PPFIBP1: variants seen among roughly 807,000 people sequenced by gnomAD.
PPFIBP1 encodes the protein liprin-beta-1.
A neutral mutation model predicts 137.8 loss-of-function variants in PPFIBP1; 112 were observed. The ratio of observed to expected loss-of-function variants is 0.81; its 90% CI spans 0.70 to 0.95. PPFIBP1 has a LOEUF of 0.95. Ranked by LOEUF, PPFIBP1 falls within the 40% of genes least tolerant of loss-of-function variation. PPFIBP1 has a pLI of 0.00. For missense variants in PPFIBP1, 1,083 were observed against 1,196.6 expected (o/e 0.91, Z 1.40); for synonymous variants, 378 against 417.3 (o/e 0.91, Z 1.15).
At chr12:27,596,933 C>G (rs557790069) in intron 2 of PPFIBP1, among the ~76,000 whole-genome samples, 2 of 152,192 alleles carry the variant, frequency 1.3e-5, no homozygotes, top group Non-Finnish European at 1.5e-5. Flanking sequence ...AGCCCATATC[C>G]TAACCTCTAC....
rs1162242132 is a variant in PPFIBP1, at chr12:27,622,008, C to T, written c.-35-11354C>T. ...GTGACTGCAACTGATGTGAATTTGA[C>T]GCAACCAGAAATGGTTTTTGTGTCA... On this transcript the variant is annotated intron_variant, in intron 2 of 29. Transcript: ENST00000228425. Among the ~76,000 whole-genome samples, 32 of 152,308 alleles carry T rather than the reference C, an allele frequency of 2.1e-4. No individual in the cohort carries two copies. The East Asian group carries it at 2.7e-3, about 13-fold the overall frequency.
At chr12:27,585,431 C>T (rs1000809789) in intron 2 of PPFIBP1, among the ~76,000 whole-genome samples, 2 of 152,150 alleles carry the variant, frequency 1.3e-5, no homozygotes, top group African/African-American at 4.8e-5. Flanking sequence ...AAAGTAGAAG[C>T]TAGTTAGGTT....
At chr12:27,644,736 G>A (rs756232004) in intron 4 of PPFIBP1, among the ~76,000 whole-genome samples, 7 of 152,158 alleles carry the variant, frequency 4.6e-5, no homozygotes, top group South Asian at 2.1e-4. Flanking sequence ...GAATTATGCC[G>A]TGGTAATTGT....
Position 27,691,793 on chromosome 12 carries a change from G to A in PPFIBP1, c.2730G>A (p.Lys910=). 1.2e-6 allele frequency: 2 copies of A among 1,612,276 alleles called. No individual in the cohort carries two copies. Among genetic ancestry groups the A allele is most frequent in the South Asian group, 2.2e-5 (2 of 90,274 alleles). ...GCAATTTTGGGAATTTGAGAAAGAA[G>A]AAACAGGAAGATGGTGAAGAATATG... ...AFSNFGNLRK[K]KQEDGEEYVC... Residue 910 remains lysine (K), a synonymous_variant, in exon 28 of 30, where the codon AAG becomes AAA. Coordinates refer to ENST00000228425, the MANE Select transcript of PPFIBP1 (RefSeq NM_003622.4).
chr12:27,637,919 T>C (rs887104500), intron 4 of PPFIBP1, among the ~76,000 whole-genome samples: 3 of 152,202 alleles, frequency 2.0e-5, no homozygotes, highest in Admixed American at 2.0e-4. Flanking sequence ...GATCTTAAAA[T>C]GGGTATATGT....
chr12:27,617,555 C>T lies in PPFIBP1; in HGVS notation c.-35-15807C>T, dbSNP rs149564587. ...TCCTGAGGATCCCAAAAATCCATAG[C>T]GGCTCAAGTTCCTTATATGAAATGA... On this transcript the variant is annotated intron_variant, in intron 2 of 29. Coordinates refer to ENST00000228425, the MANE Select transcript of PPFIBP1 (RefSeq NM_003622.4). Among the ~76,000 whole-genome samples the T allele has an allele frequency of 1.7e-4, 26 of 152,288 alleles. 1 individual carries two copies. The highest frequency in any genetic ancestry group is 5.8e-4 in the African/African-American group (24 of 41,544).
chr12:27,642,731 A>G (rs1231219044), intron 4 of PPFIBP1, among the ~76,000 whole-genome samples: 1 of 152,104 alleles, frequency 6.6e-6, no homozygotes, highest in Non-Finnish European at 1.5e-5. Context: ...GTTGGGTACA[A>G]AACCTTGGGA....
At chr12:27,594,600 T>C (rs2052970117) in intron 2 of PPFIBP1, among the ~76,000 whole-genome samples, 1 of 152,224 alleles carries the variant, frequency 6.6e-6, no homozygotes, top group Non-Finnish European at 1.5e-5. Flanking sequence ...CATTGTGTTA[T>C]AATCCTCTCT....
chr12:27,588,064 G>A lies in PPFIBP1; in HGVS notation c.-36+9825G>A, dbSNP rs114194177. Among the ~76,000 whole-genome samples the A allele has an allele frequency of 7.6e-3, 1,153 of 152,226 alleles. 12 individuals are homozygous for A. Among genetic ancestry groups the A allele is most frequent in the African/African-American group, 0.026 (1,092 of 41,530 alleles). On this transcript the variant is annotated intron_variant, in intron 2 of 29. Coordinates refer to ENST00000228425, the MANE Select transcript of PPFIBP1 (RefSeq NM_003622.4). ...AAAGACAGTTGTGTGGTAAAATATC[G>A]TATAGTCTAGATTCATCTAACTGTT... is the stretch of plus-strand genomic sequence containing the variant.
In PPFIBP1 at chr12:27,617,405, G is replaced by A. The variant is rs1268945367; in HGVS notation, c.-35-15957G>A. Among the ~76,000 whole-genome samples, 14 of 152,222 alleles carry A rather than the reference G, an allele frequency of 9.2e-5. No individual in the cohort carries two copies. The Middle Eastern group carries it at 0.01, about 111-fold the overall frequency. ...TGGAAGCAAATACAGAATTGGAGAC[G>A]GTCAATCAAATGGAAGCTCCTCAGT... On this transcript the variant is annotated intron_variant, in intron 2 of 29. Transcript: ENST00000228425.
intron 1 of PPFIBP1, among the ~76,000 whole-genome samples, chr12:27,530,774 C>T (rs536551670): frequency 6.6e-6 from 1 of 152,360 alleles, no homozygotes; most frequent in South Asian, 2.1e-4. Flanking sequence ...CCCCAAAGCT[C>T]TTAAAAGGGG....
chr12:27,671,109 T>A (rs536724394), intron 13 of PPFIBP1, among the ~76,000 whole-genome samples: 1,578 of 151,794 alleles, frequency 0.01, 10 homozygotes, highest in Non-Finnish European at 0.016. Flanking sequence ...TCAAGACCAT[T>A]CTGGGCAACA....
At chr12:27,612,340 T>TG (rs1334516911) in intron 2 of PPFIBP1, among the ~76,000 whole-genome samples, 2 of 143,494 alleles carry the variant, frequency 1.4e-5, no homozygotes, top group African/African-American at 5.1e-5. Context: ...TTTTTTTTTT[T>TG]TTTTTTTTTT....
chr12:27,604,159 G>GA (rs2054280536), intron 2 of PPFIBP1, among the ~76,000 whole-genome samples: 1 of 152,214 alleles, frequency 6.6e-6, no homozygotes, highest in African/African-American at 2.4e-5. Context: ...CAAGGGTTCA[G>GA]AGGCAGACTG....
intron 2 of PPFIBP1, among the ~76,000 whole-genome samples, chr12:27,581,795 G>A (rs1592615754): frequency 6.6e-6 from 1 of 151,982 alleles, no homozygotes; most frequent in Admixed American, 6.6e-5. Flanking sequence ...CGTGATAACT[G>A]GACAATATAT....
intron 1 of PPFIBP1, among the ~76,000 whole-genome samples, chr12:27,532,059 C>T (rs772408747): frequency 6.6e-6 from 1 of 152,116 alleles, no homozygotes; most frequent in Non-Finnish European, 1.5e-5. Context: ...GTATGTGAAG[C>T]ACTAACAGCT....
chr12:27,658,666 C>A, intron 9 of PPFIBP1, 150 bp from the exon 10 acceptor site: 1 of 743,402 alleles, frequency 1.3e-6, no homozygotes, highest in Non-Finnish European at 2.3e-6. Flanking sequence ...TACTACCAAT[C>A]CTGCAGTCAC....
At chr12:27,606,206 A>G (rs955891181) in intron 2 of PPFIBP1, among the ~76,000 whole-genome samples, 1 of 152,214 alleles carries the variant, frequency 6.6e-6, no homozygotes, top group African/African-American at 2.4e-5. Context: ...TTTTATGGCT[A>G]CTTCTCTTGC....
Position 27,568,448 on chromosome 12 carries a change from C to A in PPFIBP1, c.-123-9704C>A, listed in dbSNP as rs527691123. 1.9e-4 allele frequency among the ~76,000 whole-genome samples: 29 copies of A among 152,270 alleles called. No individual in the cohort carries two copies. The South Asian group carries it at 5.2e-3, about 27-fold the overall frequency. ...CTGCTTTCTGTAGAAGTTAAGAATG[C>A]CAGTGTTACATCTTTCTTCACCAAG... On this transcript the variant is annotated intron_variant, in intron 1 of 29. Transcript: ENST00000228425.
Sources: gnomAD v4.1 joint callset for allele counts (sites outside exome capture counted in the v4.1 genomes callset) on GRCh38, gnomAD v4.1.1 for gene constraint, MANE v1.5 for transcripts, NCBI Gene and HGNC (gene_info 2026-07-23, HGNC 2026-07-21) for gene names.